Variants in MTPAP observed in about 807,000 individuals in gnomAD.
MTPAP encodes mitochondrial poly(A) polymerase, also known as poly(A) RNA polymerase, mitochondrial.
MTPAP carries 23 observed loss-of-function variants against 48.7 expected under a neutral mutation model. The ratio of observed to expected loss-of-function variants is 0.47; its 90% CI spans 0.34 to 0.67. MTPAP has a LOEUF of 0.67. MTPAP is among the 30% of genes least tolerant of loss of function. MTPAP has a pLI of 0.01. For synonymous variants in MTPAP, 257 were observed against 254.1 expected (o/e 1.01, Z -0.11); for missense variants, 614 against 694.3 (o/e 0.88, Z 1.30).
At chr10:30,346,635 A>G (rs1834876535) in intron 1 of MTPAP, among the ~76,000 whole-genome samples, 1 of 152,230 alleles carries the variant, frequency 6.6e-6, no homozygotes, top group Admixed American at 6.5e-5. Context: ...TAAGCTGGGT[A>G]GCCTCCTGCA....
At chr10:30,336,246 A>G (rs756571462) in intron 4 of MTPAP, among the ~76,000 whole-genome samples, 3 of 152,142 alleles carry the variant, frequency 2.0e-5, no homozygotes, top group Non-Finnish European at 4.4e-5. Context: ...GACAACTACC[A>G]AGCGGCCATA....
At chr10:30,349,091 G>C in intron 1 of MTPAP, 28 bp downstream of exon 1, 2 of 1,613,626 alleles carry the variant, frequency 1.2e-6, no homozygotes, top group Non-Finnish European at 1.7e-6. Flanking sequence ...CTGTGGGACG[G>C]AACTACAGGG....
At chr10:30,318,786 A>T (rs865970154) in intron 6 of MTPAP, among the ~76,000 whole-genome samples, 58 of 152,222 alleles carry the variant, frequency 3.8e-4, no homozygotes, top group Non-Finnish European at 6.0e-4. Context: ...TCCTACTATG[A>T]ACCCAATACT....
chr10:30,334,927 A>T (rs1469573357), intron 4 of MTPAP, among the ~76,000 whole-genome samples: 4 of 152,238 alleles, frequency 2.6e-5, no homozygotes, highest in Non-Finnish European at 4.4e-5. Context: ...TTTATAAGGG[A>T]CTGTGAAACT....
intron 4 of MTPAP, among the ~76,000 whole-genome samples, chr10:30,329,175 G>C (rs1834634507): frequency 6.6e-6 from 1 of 151,926 alleles, no homozygotes; most frequent in Non-Finnish European, 1.5e-5. Flanking sequence ...TTGAACCCAG[G>C]AGGCCAAGGT....
At chr10:30,331,911 A>T (rs900022606) in intron 4 of MTPAP, among the ~76,000 whole-genome samples, 1 of 152,230 alleles carries the variant, frequency 6.6e-6, no homozygotes, top group South Asian at 2.1e-4. Context: ...TTTAGTCCCT[A>T]TCGTGCATGG....
At chr10:30,331,867 G>T (rs1269829893) in intron 4 of MTPAP, among the ~76,000 whole-genome samples, 1 of 152,170 alleles carries the variant, frequency 6.6e-6, no homozygotes, top group Admixed American at 6.5e-5. Flanking sequence ...ACGCCTAGCT[G>T]TAAGTAACTT....
chr10:30,342,244 G>C (rs1834818924), intron 1 of MTPAP, among the ~76,000 whole-genome samples: 1 of 152,044 alleles, frequency 6.6e-6, no homozygotes, highest in Non-Finnish European at 1.5e-5. Context: ...TCAAAAAAAA[G>C]AGACAGAGAT....
chr10:30,348,060 G>A (rs1834892407), intron 1 of MTPAP, among the ~76,000 whole-genome samples: 1 of 152,142 alleles, frequency 6.6e-6, no homozygotes, highest in Non-Finnish European at 1.5e-5. Flanking sequence ...ATATATCAAA[G>A]AGCATATGAA....
At chr10:30,347,676 G>A (rs1170084484) in intron 1 of MTPAP, among the ~76,000 whole-genome samples, 1 of 152,200 alleles carries the variant, frequency 6.6e-6, no homozygotes, top group East Asian at 1.9e-4. Flanking sequence ...CAGATCACCT[G>A]AGTCTGGAGT....
At chr10:30,318,154 C>T (rs10047352) in intron 6 of MTPAP, among the ~76,000 whole-genome samples, 12,082 of 152,176 alleles carry the variant, frequency 0.079, 1,585 homozygotes, top group African/African-American at 0.27. Flanking sequence ...CCACCGTGCC[C>T]GGCCCTGATA....
chr10:30,332,434 T>C (rs921223264), intron 4 of MTPAP, among the ~76,000 whole-genome samples: 12 of 151,940 alleles, frequency 7.9e-5, no homozygotes, highest in Non-Finnish European at 4.4e-5. Context: ...GCTGGGATTA[T>C]AGGCTCCCAC....
intron 4 of MTPAP, among the ~76,000 whole-genome samples, chr10:30,335,732 C>T (rs1164996862): frequency 6.6e-6 from 1 of 151,968 alleles, no homozygotes; most frequent in Non-Finnish European, 1.5e-5. Flanking sequence ...TGAAAAGCTG[C>T]TGGGAAGTGG....
chr10:30,330,281 A>T (rs1177318976), intron 4 of MTPAP, among the ~76,000 whole-genome samples: 1 of 152,172 alleles, frequency 6.6e-6, no homozygotes, highest in African/African-American at 2.4e-5. Context: ...TACCTTCATA[A>T]CCTAGTTCCC....
chr10:30,340,452 T>C lies in MTPAP; in HGVS notation c.331-2A>G. 1.2e-6 allele frequency: 2 copies of C among 1,608,456 alleles called. No individual in the cohort carries two copies. Among genetic ancestry groups the C allele is most frequent in the Non-Finnish European group, 1.7e-6 (2 of 1,174,814 alleles). On this transcript the variant is annotated splice_acceptor_variant, in intron 2 of 8. Transcript: ENST00000263063. LOFTEE classifies it high-confidence loss of function. The stretch of plus-strand genomic sequence containing the variant: ...AAATTCTACGACAGCATAGAGACCC[T>C]ATACCAAAAACATAAGAAAAAACAG...
chr10:30,330,312 A>C (rs78224231), intron 4 of MTPAP, among the ~76,000 whole-genome samples: 7,664 of 152,232 alleles, frequency 0.05, 628 homozygotes, highest in African/African-American at 0.17. Flanking sequence ...CTTTTAAAAT[A>C]CAAACACACA....
At chr10:30,322,825 C>T (rs988252005) in intron 5 of MTPAP, among the ~76,000 whole-genome samples, 14 of 151,976 alleles carry the variant, frequency 9.2e-5, no homozygotes, top group African/African-American at 2.9e-4. Context: ...CCCATTAAAA[C>T]ATCCTCTTAA....
At chr10:30,342,319 GTCTC>G (rs750843684) in intron 1 of MTPAP, among the ~76,000 whole-genome samples, 5 of 151,746 alleles carry the variant, frequency 3.3e-5, no homozygotes, top group African/African-American at 7.3e-5. Flanking sequence ...TATGAATGTG[GTCTC>G]TCTCTCTCTC....
intron 5 of MTPAP, among the ~76,000 whole-genome samples, chr10:30,324,248 T>C (rs1378330507): frequency 2.0e-5 from 3 of 152,188 alleles, no homozygotes; most frequent in Non-Finnish European, 4.4e-5. Flanking sequence ...CTGGGCACTG[T>C]GGCTCACGCC....
Sources: gnomAD v4.1 joint callset for allele counts (sites outside exome capture counted in the v4.1 genomes callset) on GRCh38, gnomAD v4.1.1 for gene constraint, MANE v1.5 for transcripts, NCBI Gene and HGNC (gene_info 2026-07-23, HGNC 2026-07-21) for gene names.